MOV10: variants seen among roughly 807,000 people sequenced by gnomAD.
MOV10 encodes Mov10 RNA helicase.
MOV10 carries 39 observed loss-of-function variants against 108.4 expected under a neutral mutation model. The observed-to-expected ratio is 0.36, with a 90% CI of 0.28 to 0.47. The LOEUF (loss-of-function observed/expected upper bound fraction) is 0.47. Ranked by LOEUF, MOV10 falls within the 20% of genes least tolerant of loss-of-function variation. The pLI, the probability that MOV10 is intolerant of heterozygous loss-of-function variation, is 1.00. For missense variants in MOV10, 952 were observed against 1,297.6 expected (o/e 0.73, Z 4.09); for synonymous variants, 490 against 523.1 (o/e 0.94, Z 0.86).
intron 5 of MOV10, among the ~76,000 whole-genome samples, chr1:112,691,440 C>A (rs752995561): frequency 2.0e-5 from 3 of 152,130 alleles, no homozygotes; most frequent in South Asian, 4.1e-4. Context: ...TTACCTATTA[C>A]CTGATTTTTT....
chr1:112,678,150 T>C (rs1672343512), intron 2 of MOV10, among the ~76,000 whole-genome samples: 1 of 152,096 alleles, frequency 6.6e-6, no homozygotes, highest in South Asian at 2.1e-4. Flanking sequence ...AAATAGTACC[T>C]TTCTCTCGGG....
intron 2 of MOV10, among the ~76,000 whole-genome samples, chr1:112,688,109 C>T (rs1673231489): frequency 6.6e-6 from 1 of 152,044 alleles, no homozygotes; most frequent in Non-Finnish European, 1.5e-5. Context: ...CGATGAGCTG[C>T]CCTCCAAGCA....
intron 4 of MOV10, 28 bp downstream of exon 4, chr1:112,689,678 G>A (rs1673404902): frequency 6.2e-7 from 1 of 1,606,448 alleles, no homozygotes; most frequent in African/African-American, 1.3e-5. Flanking sequence ...GGAAAGAGCT[G>A]GTGGACAGGG....
At chr1:112,691,833 C>T (rs927241317) in intron 6 of MOV10, 34 bp downstream of exon 6, 3 of 1,597,362 alleles carry the variant, frequency 1.9e-6, no homozygotes, top group Non-Finnish European at 2.6e-6. Flanking sequence ...CGCACTCTCC[C>T]GTCTTTTACC....
At chr1:112,674,473 C>G (rs1382875556), upstream of MOV10, 2 of 153,314 alleles carry the variant, frequency 1.3e-5, no homozygotes, top group African/African-American at 2.4e-5. Flanking sequence ...CCCAGCCCTG[C>G]CCTTTGCTCT....
At chr1:112,689,380 CA>C in intron 3 of MOV10, 34 bp from the exon 4 acceptor site, 4 of 866,146 alleles carry the variant, frequency 4.6e-6, no homozygotes, top group Non-Finnish European at 8.0e-6. Flanking sequence ...AGACCGCTCC[CA>C]CCCCAACCCC....
chr1:112,689,088 A>G lies in MOV10; in HGVS notation c.291A>G (p.Ser97=). 1 of 1,612,066 alleles carries G rather than the reference A, an allele frequency of 6.2e-7. No homozygotes were observed. The highest frequency in any genetic ancestry group is 8.5e-7 in the Non-Finnish European group (1 of 1,179,874). ...AAAAGAGGAGAATGAAGCTGGGGTCAGATATCAGCAAACACCACAAGTCAC... is the reference window on the plus strand; with the variant it reads ...AAAAGAGGAGAATGAAGCTGGGGTCGGATATCAGCAAACACCACAAGTCAC... ...FPEKRRMKLG[S]DISKHHKSLL... The change falls in exon 3 of 21, where the codon TCA becomes TCG. Residue 97 remains serine (S), a synonymous_variant. Transcript: ENST00000369645.
chr1:112,675,142 GA>G lies in MOV10; in HGVS notation c.137+94del. 6.9e-7 allele frequency: 1 copy of G among 1,456,064 alleles called. No individual in the cohort carries two copies. Among genetic ancestry groups the G allele is most frequent in the East Asian group, 2.7e-5 (1 of 37,100 alleles). 90.2% of individuals were successfully genotyped at this position (1,456,064 alleles called of 1,614,324 possible). ...GCCACCTTTCCCGCCCCGGGGCGCA[GA>G]GGGACGCAGCTCCCCCAGCGGCTCA... On this transcript the variant is annotated intron_variant, in intron 2 of 20. Coordinates refer to ENST00000369645, the MANE Select transcript of MOV10 (RefSeq NM_001321324.2). This position sits in a 1 kb window ranked among gnomAD's most constrained non-coding sequence, Gnocchi z 4.7.
At chr1:112,691,825 C>T (rs1673616808) in intron 6 of MOV10, 26 bp downstream of exon 6, 5 of 1,602,940 alleles carry the variant, frequency 3.1e-6, no homozygotes, top group African/African-American at 2.7e-5. Context: ...CTGCACCCCG[C>T]ACTCTCCCGT....
intron 17 of MOV10, 53 bp downstream of exon 17, chr1:112,698,842 C>T: frequency 1.3e-6 from 2 of 1,490,650 alleles, no homozygotes; most frequent in Non-Finnish European, 1.9e-6. Context: ...CCCACTTGCC[C>T]ACTTCCAGAG....
intron 5 of MOV10, 64 bp from the exon 6 acceptor site, chr1:112,691,601 A>AG (rs1444570661): frequency 6.3e-7 from 1 of 1,576,968 alleles, no homozygotes; most frequent in East Asian, 2.3e-5. Context: ...TCCACCCCAG[A>AG]GGGGCGTTCT....
Position 112,698,435 on chromosome 1 carries a change from T to C in MOV10, c.2465T>C (p.Leu822Pro). ...APSSKKGKAR[L>P]SPRSVGVISP... Reference sequence around the variant, plus strand: ...TCCTCCAAGAAGGGCAAAGCTCGCCTGAGCCCTCGAAGTGTGGGCGTCATC... The same window carrying C: ...TCCTCCAAGAAGGGCAAAGCTCGCCCGAGCCCTCGAAGTGTGGGCGTCATC... Residue 822 changes from leucine (L) to proline (P), a missense_variant, in exon 16 of 21, where the codon CTG becomes CCG. Physicochemically the swap from Leu to Pro is moderately conservative, Grantham distance 98. Coordinates refer to ENST00000369645, the MANE Select transcript of MOV10 (RefSeq NM_001321324.2). 1 of 1,614,170 alleles carries C rather than the reference T, an allele frequency of 6.2e-7. No individual in the cohort carries two copies. The highest frequency in any genetic ancestry group is 8.5e-7 in the Non-Finnish European group (1 of 1,180,008).
Position 112,691,715 on chromosome 1 carries a change from C to T in MOV10, c.887C>T (p.Pro296Leu). The change falls in exon 6 of 21, where the codon CCA (proline) becomes CTA (leucine). Residue 296 changes from proline to leucine, a missense_variant. Pro to Leu is a moderately conservative substitution (Grantham distance 98, BLOSUM62 -3). This residue lies in a region of MOV10 where 374 missense variants were observed against 468.6 expected (regional missense o/e 0.80). Coordinates refer to ENST00000369645, the MANE Select transcript of MOV10 (RefSeq NM_001321324.2). ...AGTATGGCGCTGGGGACATACTACCCACCTCCCCGCCTCAGGCAGCTGCTC... is the reference window on the plus strand; with the variant it reads ...AGTATGGCGCTGGGGACATACTACCTACCTCCCCGCCTCAGGCAGCTGCTC... ...ELSMALGTYY[P>L]PPRLRQLLPM... The T allele has an allele frequency of 6.2e-7, 1 of 1,614,152 alleles. No individual in the cohort carries two copies. The highest frequency in any genetic ancestry group is 1.1e-5 in the South Asian group (1 of 91,078).
At chr1:112,700,394 A>G (rs1488208347) in intron 20 of MOV10, 22 bp from the exon 21 acceptor site, 3 of 1,613,774 alleles carry the variant, frequency 1.9e-6, no homozygotes, top group African/African-American at 2.7e-5. Context: ...AGGAAGACAC[A>G]GTGTACTTTC....
At chr1:112,698,893 C>A in intron 17 of MOV10, 104 bp downstream of exon 17, 2 of 948,730 alleles carry the variant, frequency 2.1e-6, no homozygotes, top group Non-Finnish European at 3.4e-6. Context: ...CCCCGTCCCA[C>A]CCCTGCTGCC....
intron 5 of MOV10, 109 bp from the exon 6 acceptor site, chr1:112,691,554 TCC>T: frequency 7.3e-7 from 1 of 1,376,716 alleles, no homozygotes. Context: ...GCTGCTGACT[TCC>T]CTTCAGCAGT....
chr1:112,680,997 C>T (rs576391120), intron 2 of MOV10, among the ~76,000 whole-genome samples: 4 of 151,946 alleles, frequency 2.6e-5, no homozygotes, highest in South Asian at 2.1e-4. Context: ...CTACTGCACC[C>T]GGTTCATTTA....
rs1674472944 is a variant in MOV10 at position 112,699,822 on chromosome 1, G to A, written c.2709+12G>A. On this transcript the variant is annotated intron_variant, in intron 18 of 20. Transcript: ENST00000369645. ...TTAAGAACCCCAAGGTTTGAGGGCT[G>A]GTCGGGGTGGCAGGAATTCTTCCAT... 2 of 1,614,008 alleles carry A rather than the reference G, an allele frequency of 1.2e-6. No individual in the cohort carries two copies. The highest frequency in any genetic ancestry group is 1.1e-5 in the South Asian group (1 of 91,078).
At chr1:112,695,721 T>C in intron 11 of MOV10, 147 bp downstream of exon 11, 1 of 654,468 alleles carries the variant, frequency 1.5e-6, no homozygotes, top group Non-Finnish European at 2.3e-6. Context: ...GGGCCTCAGT[T>C]TGTCTGTAAG....
Sources: allele counts gnomAD v4.1 joint callset (sites outside exome capture counted in the v4.1 genomes callset), GRCh38; gene constraint gnomAD v4.1.1; regional missense constraint gnomAD v4.1.1; non-coding constraint Gnocchi (gnomAD v3.1); transcripts MANE v1.5; gene names NCBI Gene and HGNC (gene_info 2026-07-23, HGNC 2026-07-21).